Variants in EYA3 observed in about 807,000 individuals in gnomAD.
EYA3 encodes protein phosphatase EYA3.
In EYA3, 39 loss-of-function variants were observed where a neutral mutation model predicts 80.0. That is an observed-to-expected ratio of 0.49 (90% CI 0.38 to 0.64). The LOEUF (loss-of-function observed/expected upper bound fraction) is 0.64. Among genes scored for constraint, EYA3 ranks in the 30% least tolerant of loss-of-function variants. The probability of loss-of-function intolerance (pLI) is 0.00; values close to 1 mark genes in which losing one functional copy is unlikely to be tolerated. For synonymous variants in EYA3, 206 were observed against 232.8 expected (o/e 0.88, Z 1.05); for missense variants, 523 against 676.1 (o/e 0.77, Z 2.51).
chr1:28,069,669 G>A (rs894151833), intron 1 of EYA3, among the ~76,000 whole-genome samples: 6 of 150,980 alleles, frequency 4.0e-5, no homozygotes, highest in African/African-American at 1.5e-4. Context: ...GAAGAGAGGA[G>A]GGGGGAAATC....
chr1:28,067,499 T>C (rs1342314249), intron 1 of EYA3, among the ~76,000 whole-genome samples: 1 of 152,190 alleles, frequency 6.6e-6, no homozygotes, highest in Admixed American at 6.5e-5. Flanking sequence ...TAAGCTAAAA[T>C]TAGACACAAA....
At chr1:27,998,885 C>T (rs1465350811) in intron 12 of EYA3, among the ~76,000 whole-genome samples, 1 of 152,180 alleles carries the variant, frequency 6.6e-6, no homozygotes, top group Non-Finnish European at 1.5e-5. Flanking sequence ...TCTCCTGCCT[C>T]AGCCTCCTGA....
chr1:28,060,579 A>G (rs533136428), intron 1 of EYA3, among the ~76,000 whole-genome samples: 7 of 152,358 alleles, frequency 4.6e-5, no homozygotes, highest in African/African-American at 1.7e-4. Flanking sequence ...AACCTTCTTT[A>G]AGGGAAACAT....
At chr1:28,029,476 C>T (rs1309657418) in intron 6 of EYA3, among the ~76,000 whole-genome samples, 2 of 152,006 alleles carry the variant, frequency 1.3e-5, no homozygotes. Context: ...CAACCATAAA[C>T]AAAGCTTTGC....
intron 10 of EYA3, among the ~76,000 whole-genome samples, chr1:28,006,931 AAT>A (rs1641318067): frequency 7.2e-6 from 1 of 138,478 alleles, no homozygotes; most frequent in African/African-American, 2.8e-5. Context: ...CAGATGACAT[AAT>A]CTTTTTTTTT....
chr1:28,058,005 G>T lies in EYA3; in HGVS notation c.22C>A (p.Pro8Thr). Residue 8 changes from proline to threonine, a missense_variant, in exon 2 of 18, where the codon CCA becomes ACA. By Grantham distance (38) the Pro-to-Thr change is conservative. This residue lies in a region of EYA3 where 304 missense variants were observed against 343.3 expected (regional missense o/e 0.89). Coordinates refer to ENST00000373871, the MANE Select transcript of EYA3 (RefSeq NM_001990.4). ...AAGGAAATACTTACTGGTTGCTCTG[G>T]TAAATCTTGCTCTTCTTCCATGAGG... MEEEQDLPEQPVKKAKMQ... is the reference protein window; with the variant it reads MEEEQDLTEQPVKKAKMQ... 1.3e-6 allele frequency: 2 copies of T among 1,586,232 alleles called. No homozygotes were observed. Among genetic ancestry groups the T allele is most frequent in the East Asian group, 2.2e-5 (1 of 44,480 alleles).
intron 2 of EYA3, among the ~76,000 whole-genome samples, chr1:28,056,323 G>A (rs560379221): frequency 1.3e-5 from 2 of 152,208 alleles, no homozygotes; most frequent in South Asian, 2.1e-4. Context: ...ACGCTAAGCT[G>A]TTTACCCTGC....
Position 28,011,028 on chromosome 1 carries a change from A to C in EYA3, c.828T>G (p.Asp276Glu), listed in dbSNP as rs1641656728. ...TGCTAGTCATGTTTTTCCTGGACTGATCATCAGTATCTTTACTTGGTGTAG... is the reference window on the plus strand; with the variant it reads ...TGCTAGTCATGTTTTTCCTGGACTGCTCATCAGTATCTTTACTTGGTGTAG... ...SQTTPSKDTD[D>E]QSRKNMTSKN... The change falls in exon 10 of 18, where the codon GAT becomes GAG. Residue 276 changes from aspartate to glutamate, a missense_variant. By Grantham distance (45) the Asp-to-Glu change is conservative. Coordinates refer to ENST00000373871, the MANE Select transcript of EYA3 (RefSeq NM_001990.4). 1 of 1,613,914 alleles carries C rather than the reference A, an allele frequency of 6.2e-7. No homozygotes were observed. The highest frequency in any genetic ancestry group is 8.5e-7 in the Non-Finnish European group (1 of 1,179,994).
chr1:28,010,796 T>A (rs1361649919), intron 10 of EYA3, 151 bp downstream of exon 10: 2 of 820,698 alleles, frequency 2.4e-6, no homozygotes, highest in Non-Finnish European at 3.7e-6. Flanking sequence ...TACATTTTTC[T>A]TTTAACGTGG....
At chr1:28,015,751 C>A (rs1039984771) in intron 8 of EYA3, among the ~76,000 whole-genome samples, 2 of 152,072 alleles carry the variant, frequency 1.3e-5, no homozygotes, top group African/African-American at 4.8e-5. Context: ...AAAAGAAATT[C>A]TTCTCAAAGA....
At chr1:28,076,622 C>T (rs1244278010) in intron 1 of EYA3, among the ~76,000 whole-genome samples, 8 of 142,164 alleles carry the variant, frequency 5.6e-5, no homozygotes, top group African/African-American at 1.6e-4. Flanking sequence ...GAGCTGAGAT[C>T]GCACCACTGC....
intron 11 of EYA3, among the ~76,000 whole-genome samples, chr1:28,000,854 G>A (rs1640785289): frequency 6.6e-6 from 1 of 152,178 alleles, no homozygotes; most frequent in Non-Finnish European, 1.5e-5. Flanking sequence ...CTCGAGCCCA[G>A]GAGTTTGAGA....
At chr1:27,978,296 TA>T in intron 17 of EYA3, 77 bp downstream of exon 17, 1 of 1,024,930 alleles carries the variant, frequency 9.8e-7, no homozygotes, top group Non-Finnish European at 1.5e-6. Context: ...AATAGATTGC[TA>T]AGATTTTGTA....
chr1:27,979,400 C>CCTTA (rs1639158459), intron 16 of EYA3, among the ~76,000 whole-genome samples: 1 of 152,156 alleles, frequency 6.6e-6, no homozygotes, highest in Non-Finnish European at 1.5e-5. Context: ...TCTGGAACCT[C>CCTTA]CTTACTTACT....
In EYA3 at chr1:28,078,924, C is replaced by A. The variant is rs574531189; in HGVS notation, c.-69+9600G>T. 1.1e-4 allele frequency among the ~76,000 whole-genome samples: 17 copies of A among 152,264 alleles called. No individual in the cohort carries two copies. In the South Asian group the frequency reaches 3.5e-3, roughly 32 times the overall value. ...CTATGTGTCTCATAATGGAACAATG[C>A]AGACAGGACTGGTGATATTTAAAAG... On this transcript the variant is annotated intron_variant, in intron 1 of 17. Coordinates refer to ENST00000373871, the MANE Select transcript of EYA3 (RefSeq NM_001990.4).
intron 7 of EYA3, among the ~76,000 whole-genome samples, chr1:28,027,497 A>C (rs1642856439): frequency 6.6e-6 from 1 of 152,190 alleles, no homozygotes; most frequent in Admixed American, 6.5e-5. Flanking sequence ...AATGCCACTG[A>C]AAATAGACTA....
chr1:28,009,879 G>A lies in EYA3; in HGVS notation c.909+1068C>T, dbSNP rs1036791474. Reference sequence around the variant, plus strand: ...GAAAAAGTTCTAGAAATATACAGTGGTGATGGTTAGACAATATTGAGAATG... The same window carrying A: ...GAAAAAGTTCTAGAAATATACAGTGATGATGGTTAGACAATATTGAGAATG... On this transcript the variant is annotated intron_variant, in intron 10 of 17. Transcript: ENST00000373871. The surrounding 1 kb of genome is among the most constrained non-coding windows in gnomAD (Gnocchi z 4.8). 1.6e-4 allele frequency among the ~76,000 whole-genome samples: 25 copies of A among 152,120 alleles called. 1 individual carries two copies. Among genetic ancestry groups the A allele is most frequent in the African/African-American group, 6.0e-4 (25 of 41,424 alleles).
chr1:28,065,768 G>A (rs1218958337), intron 1 of EYA3, among the ~76,000 whole-genome samples: 1 of 150,736 alleles, frequency 6.6e-6, no homozygotes, highest in Non-Finnish European at 1.5e-5. Flanking sequence ...ACTCTGGGAG[G>A]CCGAGGCGGG....
intron 1 of EYA3, among the ~76,000 whole-genome samples, chr1:28,085,021 T>C (rs140459511): frequency 6.6e-6 from 1 of 152,168 alleles, no homozygotes; most frequent in Non-Finnish European, 1.5e-5. Context: ...AGAAGTTCCA[T>C]GAGGCTTTTA....
Sources: allele counts gnomAD v4.1 joint callset (sites outside exome capture counted in the v4.1 genomes callset), GRCh38; gene constraint gnomAD v4.1.1; regional missense constraint gnomAD v4.1.1; non-coding constraint Gnocchi (gnomAD v3.1); transcripts MANE v1.5; gene names NCBI Gene and HGNC (gene_info 2026-07-23, HGNC 2026-07-21).